The following KALRN variants were observed in gnomAD, a reference collection of about 807,000 sequenced individuals.
KALRN encodes the protein kalirin.
In KALRN, 70 loss-of-function variants were observed where a neutral mutation model predicts 353.7. The ratio of observed to expected loss-of-function variants is 0.20; its 90% confidence interval spans 0.16 to 0.24. The LOEUF (loss-of-function observed/expected upper bound fraction) is 0.24, where lower values mean the gene tolerates loss of function less well. Among genes scored for constraint, KALRN ranks in the 10% least tolerant of loss-of-function variants. The pLI is 1.00. For synonymous variants in KALRN, 1,391 were observed against 1,434.8 expected, an observed-to-expected ratio of 0.97 and a Z score of 0.69; for missense variants, 2,791 against 3,756.7, an observed-to-expected ratio of 0.74 and a Z score of 6.72.
At chr3:124,113,794 G>A (rs1022578638) in intron 1 of KALRN, among the ~76,000 whole-genome samples, 2 of 152,366 alleles carry the variant, frequency 1.3e-5, no homozygotes, top group Non-Finnish European at 2.9e-5. Flanking sequence ...AAGATTAAGA[G>A]CTTGAGTGGC....
chr3:124,678,434 G>A, intron 50 of KALRN, 121 bp downstream of exon 50: 1 of 1,076,476 alleles, frequency 9.3e-7, no homozygotes, highest in Non-Finnish European at 1.3e-6. Context: ...GGTACCAGAG[G>A]GGAAGTAGTT....
chr3:124,250,897 G>A (rs1303539606), intron 3 of KALRN, among the ~76,000 whole-genome samples: 1 of 152,116 alleles, frequency 6.6e-6, no homozygotes, highest in Non-Finnish European at 1.5e-5. Context: ...AGGGCAGGAA[G>A]CTGCTGTCCT....
chr3:124,700,840 T>C (rs1425353019), intron 56 of KALRN, among the ~76,000 whole-genome samples: 2 of 152,166 alleles, frequency 1.3e-5, no homozygotes, highest in Admixed American at 6.5e-5. Flanking sequence ...AAATCACCTC[T>C]GCCCCCACCT....
At chr3:124,153,643 T>C (rs1440097212) in intron 1 of KALRN, among the ~76,000 whole-genome samples, 1 of 151,596 alleles carries the variant, frequency 6.6e-6, no homozygotes, top group African/African-American at 2.4e-5. Context: ...AGTAATGGGA[T>C]GGCTGGGTCA....
At chr3:124,504,476 C>A (rs117098925) in intron 33 of KALRN, among the ~76,000 whole-genome samples, 1 of 152,298 alleles carries the variant, frequency 6.6e-6, no homozygotes, top group East Asian at 1.9e-4. Context: ...CCCTCCCATC[C>A]ACCCACTATG....
intron 1 of KALRN, among the ~76,000 whole-genome samples, chr3:124,153,689 C>CT (rs1200468019): frequency 1.2e-4 from 18 of 151,552 alleles, no homozygotes; most frequent in African/African-American, 3.9e-4. Context: ...TGAGGAATCG[C>CT]CACACTGACT....
At chr3:124,342,017 G>A (rs930093106) in intron 9 of KALRN, among the ~76,000 whole-genome samples, 2 of 151,804 alleles carry the variant, frequency 1.3e-5, no homozygotes, top group African/African-American at 2.4e-5. Flanking sequence ...CTCACTAGGG[G>A]TGGGGTTAAG....
chr3:124,419,752 A>C (rs577235677), intron 14 of KALRN, among the ~76,000 whole-genome samples: 36 of 152,238 alleles, frequency 2.4e-4, no homozygotes, highest in Non-Finnish European at 4.9e-4. Context: ...GGGGCACATC[A>C]GAAAGAAGTC....
chr3:124,387,282 A>G (rs1259607185), intron 11 of KALRN, among the ~76,000 whole-genome samples: 1 of 152,242 alleles, frequency 6.6e-6, no homozygotes, highest in Non-Finnish European at 1.5e-5. Context: ...GAACTCAGCT[A>G]TAAAGTCACA....
intron 1 of KALRN, among the ~76,000 whole-genome samples, chr3:124,202,567 G>A (rs1021086856): frequency 2.0e-5 from 3 of 151,990 alleles, no homozygotes; most frequent in African/African-American, 7.3e-5. Flanking sequence ...GTTTTTTAAT[G>A]AGAAGTCGGG....
intron 13 of KALRN, among the ~76,000 whole-genome samples, chr3:124,409,003 G>A (rs994407450): frequency 1.3e-5 from 2 of 152,148 alleles, no homozygotes; most frequent in Non-Finnish European, 2.9e-5. Flanking sequence ...ATTTCCCACT[G>A]CCTCTTACCC....
At chr3:124,441,435 G>C (rs1280665239) in intron 18 of KALRN, among the ~76,000 whole-genome samples, 1 of 152,184 alleles carries the variant, frequency 6.6e-6, no homozygotes, top group East Asian at 1.9e-4. Flanking sequence ...AGAAGGGTGA[G>C]CTCCATAAAT....
intron 5 of KALRN, among the ~76,000 whole-genome samples, chr3:124,295,808 A>C (rs2076801009): frequency 6.6e-6 from 1 of 152,192 alleles, no homozygotes; most frequent in Admixed American, 6.5e-5. Context: ...TAAAGATAAA[A>C]ATTATAGAAT....
At chr3:124,487,585 A>AT (rs1285672625) in intron 28 of KALRN, among the ~76,000 whole-genome samples, 7 of 152,226 alleles carry the variant, frequency 4.6e-5, no homozygotes, top group Admixed American at 4.6e-4. Flanking sequence ...TGACAATGAA[A>AT]TAGCCTAGAA....
At chr3:124,524,844 A>C (rs1460865959) in intron 33 of KALRN, among the ~76,000 whole-genome samples, 1 of 152,250 alleles carries the variant, frequency 6.6e-6, no homozygotes, top group Non-Finnish European at 1.5e-5. Context: ...CCAAAAGTGC[A>C]GTCAGAGTTA....
chr3:124,276,966 C>G (rs143003289), intron 5 of KALRN, among the ~76,000 whole-genome samples: 4 of 152,082 alleles, frequency 2.6e-5, no homozygotes, highest in African/African-American at 9.7e-5. Context: ...TGCACACACA[C>G]ATGTGTGCAC....
rs1278979769 is a variant in KALRN at position 124,334,309 on chromosome 3, C to T, written c.1461C>T (p.Pro487=). 1.2e-6 allele frequency: 2 copies of T among 1,614,254 alleles called. No homozygotes were observed. Among genetic ancestry groups the T allele is most frequent in the Non-Finnish European group, 1.7e-6 (2 of 1,180,050 alleles). Reference sequence around the variant, plus strand: ...CACTACTTGATGTGCTGCAGCGGCCCCTGAGCCCTGGGAACTCCGAATCCC... The same window carrying T: ...CACTACTTGATGTGCTGCAGCGGCCTCTGAGCCCTGGGAACTCCGAATCCC... The part of the protein sequence containing the change: ...GKALLDVLQR[P]LSPGNSESLT... Residue 487 remains proline (P), a synonymous_variant, in exon 9 of 60, where the codon CCC becomes CCT. Transcript: ENST00000682506. This position sits in a 1 kb window ranked among gnomAD's most constrained non-coding sequence, Gnocchi z 4.2.
At chr3:124,547,474 A>G (rs2069833398) in intron 33 of KALRN, among the ~76,000 whole-genome samples, 1 of 150,688 alleles carries the variant, frequency 6.6e-6, no homozygotes, top group African/African-American at 2.4e-5. Flanking sequence ...CACCATGCCA[A>G]CTAATTTTTT....
intron 25 of KALRN, among the ~76,000 whole-genome samples, chr3:124,467,588 G>A (rs2060468469): frequency 6.6e-6 from 1 of 152,192 alleles, no homozygotes; most frequent in South Asian, 2.1e-4. Context: ...CCCTGCAAGG[G>A]AGAAAAGTGG....
Sources: allele counts gnomAD v4.1 joint callset (sites outside exome capture counted in the v4.1 genomes callset), GRCh38; gene constraint gnomAD v4.1.1; non-coding constraint Gnocchi (gnomAD v3.1); transcripts MANE v1.5; gene names NCBI Gene and HGNC (gene_info 2026-07-23, HGNC 2026-07-21).